EDA: variants seen among roughly 807,000 people sequenced by gnomAD.
The protein encoded by EDA is ectodysplasin-A.
A neutral mutation model predicts 23.6 loss-of-function variants in EDA; 2 were observed. That is an observed-to-expected ratio of 0.08 (90% CI 0.03 to 0.27). EDA has a LOEUF of 0.27. Among genes scored for constraint, EDA ranks in the 10% least tolerant of loss-of-function variants. The probability of loss-of-function intolerance (pLI) is 1.00; values close to 1 mark genes in which losing one functional copy is unlikely to be tolerated. For synonymous variants in EDA, 131 were observed against 132.0 expected, an observed-to-expected ratio of 0.99 and a Z score of 0.05; for missense variants, 229 against 324.2, an observed-to-expected ratio of 0.71 and a Z score of 2.26.
intron 1 of EDA, among the ~76,000 whole-genome samples, chrX:69,835,508 T>G (rs2016748749): frequency 8.9e-6 from 1 of 111,970 alleles, no homozygotes; most frequent in Non-Finnish European, 1.9e-5. Flanking sequence ...TCAAATCAGC[T>G]ATTGAAGCTT....
intron 1 of EDA, among the ~76,000 whole-genome samples, chrX:69,799,497 ACAACT>A (rs757110092): frequency 1.8e-5 from 2 of 110,953 alleles, no homozygotes; most frequent in Non-Finnish European, 3.8e-5. Context: ...AGGAGCTTAA[ACAACT>A]CTATAGGAAA....
chrX:69,690,376 C>T (rs1304160875), intron 1 of EDA, among the ~76,000 whole-genome samples: 1 of 110,831 alleles, frequency 9.0e-6, no homozygotes, highest in Non-Finnish European at 1.9e-5. Context: ...ATTTTGTCAA[C>T]GTTTTTCCAT....
intron 1 of EDA, among the ~76,000 whole-genome samples, chrX:69,826,279 G>C (rs1371013703): frequency 1.8e-5 from 2 of 110,899 alleles, no homozygotes; most frequent in Non-Finnish European, 3.8e-5. Context: ...TTGTTGATCT[G>C]TCTAATGTTG....
chrX:69,941,395 G>T lies in EDA; in HGVS notation c.397-15632G>T, dbSNP rs184186388. On this transcript the variant is annotated intron_variant, in intron 1 of 7. Coordinates refer to ENST00000374552, the MANE Select transcript of EDA (RefSeq NM_001399.5). ...GAAGTCTCCATCTATTATTGTGTTGGGGTCTATCTCTCTCTTTAACTCTAA... is the reference window on the plus strand; with the variant it reads ...GAAGTCTCCATCTATTATTGTGTTGTGGTCTATCTCTCTCTTTAACTCTAA... 4.5e-3 allele frequency among the ~76,000 whole-genome samples: 501 copies of T among 111,093 alleles called. 3 individuals carry two copies. The highest frequency in any genetic ancestry group is 0.016 in the African/African-American group (485 of 30,605).
At chrX:70,006,867 T>G (rs894550587) in intron 2 of EDA, among the ~76,000 whole-genome samples, 1 of 111,706 alleles carries the variant, frequency 9.0e-6, no homozygotes, top group East Asian at 2.8e-4. Context: ...TCTAGATTTC[T>G]CCTATGTTAT....
chrX:69,733,278 T>A (rs1290010091), intron 1 of EDA, among the ~76,000 whole-genome samples: 1 of 112,229 alleles, frequency 8.9e-6, no homozygotes, highest in Non-Finnish European at 1.9e-5. Context: ...AATTTTTGTA[T>A]AAGGTGTAAG....
rs1029435906 is a variant in EDA at position 69,891,617 on chromosome X, A to G, written c.397-65410A>G. 2.7e-5 allele frequency among the ~76,000 whole-genome samples: 3 copies of G among 111,601 alleles called. No homozygotes were observed. The East Asian group carries it at 8.5e-4, about 32-fold the overall frequency. ...ACGAGATCATGTCCTTTGCAGGGACATGGATGGAGCTGGGGGCCGTTGTGC... is the reference window on the plus strand; with the variant it reads ...ACGAGATCATGTCCTTTGCAGGGACGTGGATGGAGCTGGGGGCCGTTGTGC... On this transcript the variant is annotated intron_variant, in intron 1 of 7. Transcript: ENST00000374552.
At chrX:69,733,149 G>A (rs1434245968) in intron 1 of EDA, among the ~76,000 whole-genome samples, 3 of 109,875 alleles carry the variant, frequency 2.7e-5, no homozygotes, top group African/African-American at 9.9e-5. Flanking sequence ...CATTGCTTTT[G>A]GTGTTTTAGA....
intron 1 of EDA, among the ~76,000 whole-genome samples, chrX:69,760,153 C>A (rs2014257644): frequency 1.5e-5 from 1 of 67,390 alleles, no homozygotes; most frequent in African/African-American, 6.3e-5. Flanking sequence ...GTGAAAAGGG[C>A]TTTGTACAAA....
chrX:69,652,520 A>G (rs1196164722), intron 1 of EDA, among the ~76,000 whole-genome samples: 1 of 112,133 alleles, frequency 8.9e-6, no homozygotes. Flanking sequence ...AATATATTTC[A>G]TATCTGACTA....
chrX:69,882,924 A>G (rs2017771625), intron 1 of EDA, among the ~76,000 whole-genome samples: 1 of 110,552 alleles, frequency 9.0e-6, no homozygotes, highest in Non-Finnish European at 1.9e-5. Context: ...CTGGTCTCGA[A>G]CTCCCAACCT....
chrX:69,661,190 G>T (rs1933490803), intron 1 of EDA, among the ~76,000 whole-genome samples: 1 of 107,734 alleles, frequency 9.3e-6, no homozygotes, highest in South Asian at 4.2e-4. Context: ...TTTTGATGGG[G>T]TTGTTTGATT....
intron 2 of EDA, among the ~76,000 whole-genome samples, chrX:69,964,184 G>A (rs760965788): frequency 2.0e-4 from 22 of 111,461 alleles, no homozygotes; most frequent in Admixed American, 5.7e-4. Flanking sequence ...ATAGTAGCAG[G>A]ATGACCTTAG....
chrX:69,656,530 G>A (rs1933326576), intron 1 of EDA, among the ~76,000 whole-genome samples: 1 of 111,521 alleles, frequency 9.0e-6, no homozygotes, highest in Non-Finnish European at 1.9e-5. Flanking sequence ...GATTCAGGGG[G>A]GACATGTGCA....
intron 1 of EDA, among the ~76,000 whole-genome samples, chrX:69,686,111 C>T (rs5936732): frequency 0.17 from 19,224 of 111,297 alleles, 1,265 homozygotes; most frequent in Non-Finnish European, 0.19. Context: ...CAGGTTCAAG[C>T]GATTCTCCTA....
intron 1 of EDA, among the ~76,000 whole-genome samples, chrX:69,732,142 G>A (rs1195535208): frequency 9.0e-6 from 1 of 111,331 alleles, no homozygotes; most frequent in Non-Finnish European, 1.9e-5. Flanking sequence ...GGGTACATGT[G>A]CACAACGTGC....
chrX:69,931,867 G>A (rs1173975940), intron 1 of EDA, among the ~76,000 whole-genome samples: 4 of 111,869 alleles, frequency 3.6e-5, no homozygotes, highest in East Asian at 2.8e-4. Context: ...AAATAAAAGC[G>A]TATGTCCACA....
chrX:69,761,007 A>G (rs933162957), intron 1 of EDA, among the ~76,000 whole-genome samples: 2 of 111,146 alleles, frequency 1.8e-5, no homozygotes. Flanking sequence ...CCATATTTAA[A>G]GCAGGTATAG....
At chrX:69,681,218 A>T (rs1198673398) in intron 1 of EDA, among the ~76,000 whole-genome samples, 1 of 110,690 alleles carries the variant, frequency 9.0e-6, no homozygotes, top group South Asian at 3.9e-4. Flanking sequence ...CTTCCCTTTG[A>T]GGGTAACCCG....
Sources: gnomAD v4.1 joint callset for allele counts (sites outside exome capture counted in the v4.1 genomes callset) on GRCh38, gnomAD v4.1.1 for gene constraint, MANE v1.5 for transcripts, NCBI Gene and HGNC (gene_info 2026-07-23, HGNC 2026-07-21) for gene names.